The following MS4A7 variants were observed in gnomAD, a reference collection of about 807,000 sequenced individuals.
MS4A7 encodes membrane spanning 4-domains A7, also known as membrane-spanning 4-domains subfamily A member 7.
A neutral mutation model predicts 23.5 loss-of-function variants in MS4A7; 21 were observed. That is an observed-to-expected ratio of 0.89 (90% confidence interval 0.63 to 1.29). The LOEUF is 1.29. MS4A7 is among the 50% of genes most tolerant of loss of function. MS4A7 has a pLI of 0.00. For synonymous variants in MS4A7, 111 were observed against 107.4 expected, an observed-to-expected ratio of 1.03 and a Z score of -0.21; for missense variants, 263 against 274.2, an observed-to-expected ratio of 0.96 and a Z score of 0.29.
At chr11:60,379,949 C>G (rs1044557440) in intron 1 of MS4A7, among the ~76,000 whole-genome samples, 6 of 152,198 alleles carry the variant, frequency 3.9e-5, no homozygotes, top group African/African-American at 1.4e-4. Flanking sequence ...GAACTCCGTG[C>G]CCATTAAACA....
chr11:60,386,688 A>C, intron 3 of MS4A7, 29 bp from the exon 4 acceptor site: 1 of 1,590,156 alleles, frequency 6.3e-7, no homozygotes, highest in South Asian at 1.1e-5. Context: ...AAGACAACTG[A>C]ACTGATCATT....
chr11:60,389,352 T>C, intron 4 of MS4A7, 38 bp from the exon 5 acceptor site: 1 of 1,542,412 alleles, frequency 6.5e-7, no homozygotes, highest in Non-Finnish European at 8.8e-7. Context: ...CACGTGCTGA[T>C]TCTGTGATGA....
At chr11:60,386,558 G>T (rs2085490296) in intron 3 of MS4A7, 159 bp from the exon 4 acceptor site, 3 of 579,538 alleles carry the variant, frequency 5.2e-6, no homozygotes, top group Non-Finnish European at 9.3e-6. Context: ...TATCAGGTGG[G>T]AATTAGGCCT....
intron 5 of MS4A7, chr11:60,389,801 C>T: frequency 1.8e-6 from 1 of 568,164 alleles, no homozygotes; most frequent in South Asian, 2.0e-5. Flanking sequence ...AAGAGGAAAT[C>T]ATGAAGGACA....
At chr11:60,391,702 C>T (rs1278322050) in intron 5 of MS4A7, among the ~76,000 whole-genome samples, 5 of 151,786 alleles carry the variant, frequency 3.3e-5, no homozygotes, top group South Asian at 2.1e-4. Flanking sequence ...GTGGATCACC[C>T]GAGGCCAGGA....
chr11:60,391,472 A>G (rs2135107700), intron 5 of MS4A7, among the ~76,000 whole-genome samples: 1 of 152,360 alleles, frequency 6.6e-6, no homozygotes, highest in South Asian at 2.1e-4. Flanking sequence ...TAACCAAAAT[A>G]TTATGAGAAA....
chr11:60,391,505 G>T (rs1287825697), intron 5 of MS4A7, among the ~76,000 whole-genome samples: 11 of 152,134 alleles, frequency 7.2e-5, no homozygotes, highest in Admixed American at 7.2e-4. Flanking sequence ...ACAAAAAAAT[G>T]AGTAGCGGCA....
At chr11:60,387,777 T>A (rs2085507877) in intron 4 of MS4A7, among the ~76,000 whole-genome samples, 1 of 152,240 alleles carries the variant, frequency 6.6e-6, no homozygotes, top group African/African-American at 2.4e-5. Context: ...ACCCAATGTA[T>A]GTCTTCTTAC....
chr11:60,391,094 G>C (rs1011964317), intron 5 of MS4A7, among the ~76,000 whole-genome samples: 2 of 152,130 alleles, frequency 1.3e-5, no homozygotes, highest in African/African-American at 4.8e-5. Context: ...ATTGGACAGG[G>C]CCATAAAGCT....
intron 1 of MS4A7, among the ~76,000 whole-genome samples, chr11:60,381,637 T>A (rs1313113231): frequency 1.3e-5 from 2 of 152,204 alleles, no homozygotes; most frequent in Non-Finnish European, 2.9e-5. Context: ...CTCATCAATA[T>A]CAGAACTGGG....
In MS4A7 at chr11:60,395,060, C is replaced by A; in HGVS notation, c.*1199C>A. 1.8e-6 allele frequency: 1 copy of A among 549,256 alleles called. No individual in the cohort carries two copies. The highest frequency in any genetic ancestry group is 2.5e-5 in the South Asian group (1 of 39,444). The allele number at this position is 549,256 out of a possible 1,614,324, so 34.0% of individuals were successfully genotyped here. On this transcript the variant is annotated 3_prime_UTR_variant, in exon 7 of 7. Coordinates refer to ENST00000300184, the MANE Select transcript of MS4A7 (RefSeq NM_021201.5). ...CTGCTCATGCTGAAAAGAATAATGT[C>A]TATTTCTTTGTTTGGGTATTAGCTC...
Position 60,393,916 on chromosome 11 carries a change from G to T in MS4A7, c.*55G>T. On this transcript the variant is annotated 3_prime_UTR_variant, in exon 7 of 7. Transcript: ENST00000300184. ...CAACTCAACACTCATGGTCAAGTGTGATTAGACTTTCCTGAAATCTCTGCC... is the reference window on the plus strand; with the variant it reads ...CAACTCAACACTCATGGTCAAGTGTTATTAGACTTTCCTGAAATCTCTGCC... The T allele has an allele frequency of 8.7e-7, 1 of 1,153,390 alleles. No homozygotes were observed. The highest frequency in any genetic ancestry group is 1.2e-6 in the Non-Finnish European group (1 of 811,288). 71.4% of individuals were successfully genotyped at this position (1,153,390 alleles called of 1,614,324 possible).
intron 4 of MS4A7, among the ~76,000 whole-genome samples, chr11:60,388,834 A>G (rs917187131): frequency 2.6e-5 from 4 of 152,250 alleles, no homozygotes; most frequent in African/African-American, 9.6e-5. Flanking sequence ...TGCTTGTCAT[A>G]TTGAACAAAT....
At chr11:60,386,549 A>G (rs2085490089) in intron 3 of MS4A7, 168 bp from the exon 4 acceptor site, 3 of 544,006 alleles carry the variant, frequency 5.5e-6, no homozygotes, top group Non-Finnish European at 9.9e-6. Flanking sequence ...ACATTCTTAT[A>G]TCAGGTGGGA....
chr11:60,380,063 T>A (rs1482380977), intron 1 of MS4A7, among the ~76,000 whole-genome samples: 1 of 152,244 alleles, frequency 6.6e-6, no homozygotes, highest in African/African-American at 2.4e-5. Flanking sequence ...TCATACAATA[T>A]TTGTCCTTTT....
chr11:60,392,624 C>T (rs1376210357), intron 5 of MS4A7, 61 bp from the exon 6 acceptor site: 14 of 1,347,664 alleles, frequency 1.0e-5, no homozygotes, highest in Non-Finnish European at 1.5e-5. Flanking sequence ...CCTGTCTCCT[C>T]TTAGCCAGGC....
At chr11:60,381,612 C>A (rs1010158553) in intron 1 of MS4A7, among the ~76,000 whole-genome samples, 2 of 152,172 alleles carry the variant, frequency 1.3e-5, no homozygotes, top group South Asian at 2.1e-4. Context: ...GGGAAAGTAT[C>A]CTGCCTACGG....
In MS4A7 at chr11:60,393,979, C is replaced by T. The variant is rs903789468; in HGVS notation, c.*118C>T. ...GTGAAACAAACTAAAAAAAAAAAAG[C>T]TTTTGTTTTGTATTTGTTTACTATG... On this transcript the variant is annotated 3_prime_UTR_variant, in exon 7 of 7. Transcript: ENST00000300184. 1.8e-6 allele frequency: 1 copy of T among 564,500 alleles called. No individual in the cohort carries two copies. Among genetic ancestry groups the T allele is most frequent in the African/African-American group, 2.0e-5 (1 of 51,206 alleles). 35.0% of individuals were successfully genotyped at this position (564,500 alleles called of 1,614,324 possible). A position where few individuals can be genotyped will look rare whatever the true frequency, so the allele number is the denominator to read the frequency against.
chr11:60,380,184 A>G (rs950542675), intron 1 of MS4A7, among the ~76,000 whole-genome samples: 3 of 152,198 alleles, frequency 2.0e-5, no homozygotes, highest in African/African-American at 7.2e-5. Flanking sequence ...ATTTCTATTC[A>G]TCGGTCAAAG....
Sources: gnomAD v4.1 joint callset for allele counts (sites outside exome capture counted in the v4.1 genomes callset) on GRCh38, gnomAD v4.1.1 for gene constraint, MANE v1.5 for transcripts, NCBI Gene and HGNC (gene_info 2026-07-23, HGNC 2026-07-21) for gene names.